UNC13C: variants seen among roughly 807,000 people sequenced by gnomAD.
UNC13C encodes the protein unc-13 homolog C, also known as protein unc-13 homolog C.
In UNC13C, 174 loss-of-function variants were observed where a neutral mutation model predicts 245.4. The observed-to-expected ratio is 0.71, with a 90% CI of 0.63 to 0.80. The LOEUF is 0.80. UNC13C is among the 30% of genes least tolerant of loss of function. The probability of loss-of-function intolerance (pLI) is 0.00; values close to 1 mark genes in which losing one functional copy is unlikely to be tolerated. For missense variants in UNC13C, 2,829 were observed against 2,602.9 expected, an observed-to-expected ratio of 1.09 and a Z score of -1.89; for synonymous variants, 992 against 895.1, an observed-to-expected ratio of 1.11 and a Z score of -1.93.
At chr15:53,989,249 C>T (rs1352561646) in intron 1 of UNC13C, among the ~76,000 whole-genome samples, 1 of 151,536 alleles carries the variant, frequency 6.6e-6, no homozygotes, top group Non-Finnish European at 1.5e-5. Context: ...TTGCATTTAT[C>T]GATGAAGGCA....
chr15:54,455,165 C>CTCTCTCTCTCTCTCTCTG lies in UNC13C; in HGVS notation c.4934-39426_4934-39425insGTCTCTCTCTCTCTCTCT, dbSNP rs1596404943. On this transcript the variant is annotated intron_variant, in intron 19 of 32. Coordinates refer to ENST00000260323, the MANE Select transcript of UNC13C (RefSeq NM_001080534.3). ...TCCTTTCTATGGCTGAGTCATATTC[C>CTCTCTCTCTCTCTCTCTG]TCTCTCTCTCTCTCTCTCTCTCTCT... Among the ~76,000 whole-genome samples, 18 of 10,300 alleles carry CTCTCTCTCTCTCTCTCTG rather than the reference C, an allele frequency of 1.7e-3. 1 individual carries two copies. Among genetic ancestry groups the CTCTCTCTCTCTCTCTCTG allele is most frequent in the Admixed American group, 0.01 (6 of 584 alleles). The allele number at this position is 10,300 out of a possible 152,430, so 6.8% of individuals were successfully genotyped here. A position where few individuals can be genotyped will look rare whatever the true frequency, so the allele number is the denominator to read the frequency against.
chr15:54,141,331 G>A (rs2032008271), intron 2 of UNC13C, among the ~76,000 whole-genome samples: 1 of 151,832 alleles, frequency 6.6e-6, no homozygotes, highest in African/African-American at 2.4e-5. Context: ...TAATTATATA[G>A]TTTGTTTTGG....
intron 2 of UNC13C, among the ~76,000 whole-genome samples, chr15:54,057,511 G>A (rs1009164145): frequency 3.3e-5 from 5 of 151,588 alleles, no homozygotes; most frequent in African/African-American, 4.9e-5. Context: ...CAATAATAAT[G>A]GGAGACTTTA....
chr15:54,216,099 T>G (rs562242724), intron 4 of UNC13C, among the ~76,000 whole-genome samples: 70 of 152,002 alleles, frequency 4.6e-4, no homozygotes, highest in Middle Eastern at 3.4e-3. Context: ...ACAGTGAGTG[T>G]GTACATGAAG....
At chr15:54,018,500 T>C (rs1481179969) in intron 2 of UNC13C, among the ~76,000 whole-genome samples, 1 of 152,234 alleles carries the variant, frequency 6.6e-6, no homozygotes, top group Non-Finnish European at 1.5e-5. Context: ...TTCAGAGAAC[T>C]TTCCACCTTA....
chr15:54,264,948 C>T (rs1442827891), intron 9 of UNC13C, among the ~76,000 whole-genome samples: 1 of 151,932 alleles, frequency 6.6e-6, no homozygotes, highest in South Asian at 2.1e-4. Flanking sequence ...GATGCTTTCT[C>T]AACTATGTAG....
chr15:53,976,279 A>G (rs1893691442), upstream of UNC13C, among the ~76,000 whole-genome samples: 1 of 152,158 alleles, frequency 6.6e-6, no homozygotes, highest in African/African-American at 2.4e-5. Flanking sequence ...TTAGCACTGC[A>G]TTCATTAAAA....
chr15:54,385,714 T>C (rs1228329302), intron 17 of UNC13C, among the ~76,000 whole-genome samples: 1 of 151,980 alleles, frequency 6.6e-6, no homozygotes, highest in African/African-American at 2.4e-5. Context: ...GGACTTGAAA[T>C]GATATCAACA....
chr15:54,003,576 G>A (rs1894997508), intron 1 of UNC13C, among the ~76,000 whole-genome samples: 1 of 152,088 alleles, frequency 6.6e-6, no homozygotes, highest in African/African-American at 2.4e-5. Flanking sequence ...TATATTTATG[G>A]GGTACCTGAG....
chr15:53,976,075 C>T (rs935856172), upstream of UNC13C, among the ~76,000 whole-genome samples: 4 of 152,144 alleles, frequency 2.6e-5, no homozygotes, highest in Admixed American at 6.5e-5. Flanking sequence ...GAAAACTACT[C>T]GTCAAAAGCC....
the UNC13C span, among the ~76,000 whole-genome samples, chr15:53,905,239 A>G: frequency 2.6e-5 from 4 of 152,156 alleles, no homozygotes; most frequent in Middle Eastern, 6.3e-3. Flanking sequence ...TATCTCACAG[A>G]GCTATCTCTA....
At chr15:54,527,154 G>A (rs1224033490) in intron 25 of UNC13C, among the ~76,000 whole-genome samples, 1 of 152,188 alleles carries the variant, frequency 6.6e-6, no homozygotes, top group Non-Finnish European at 1.5e-5. Context: ...CGGGATGTTA[G>A]TCAGCAATTT....
chr15:54,037,119 A>C (rs1896606646), intron 2 of UNC13C, among the ~76,000 whole-genome samples: 1 of 152,222 alleles, frequency 6.6e-6, no homozygotes, highest in Non-Finnish European at 1.5e-5. Flanking sequence ...GGTGTTCCTA[A>C]ACCTTAAATG....
At chr15:54,365,102 T>C (rs2039333978) in intron 17 of UNC13C, among the ~76,000 whole-genome samples, 1 of 152,130 alleles carries the variant, frequency 6.6e-6, no homozygotes, top group African/African-American at 2.4e-5. Flanking sequence ...CCGTCAGATC[T>C]GCAAAGCTGC....
intron 2 of UNC13C, among the ~76,000 whole-genome samples, chr15:54,026,674 G>A (rs1896122448): frequency 6.6e-6 from 1 of 152,114 alleles, no homozygotes; most frequent in Admixed American, 6.5e-5. Flanking sequence ...TCTTTTTTGA[G>A]TGATTTGATT....
the UNC13C span, among the ~76,000 whole-genome samples, chr15:53,900,173 A>G: frequency 1.3e-5 from 2 of 150,682 alleles, no homozygotes; most frequent in Non-Finnish European, 2.9e-5. Flanking sequence ...CTAGAATGAT[A>G]CCCTATGGAT....
At chr15:54,487,800 G>T (rs2141076086) in intron 19 of UNC13C, among the ~76,000 whole-genome samples, 1 of 138,904 alleles carries the variant, frequency 7.2e-6, no homozygotes, top group Admixed American at 7.4e-5. Flanking sequence ...GACAGAGAGA[G>T]AGAAAAGAAA....
At chr15:53,870,580 T>G in the UNC13C span, among the ~76,000 whole-genome samples, 1 of 152,048 alleles carries the variant, frequency 6.6e-6, no homozygotes, top group African/African-American at 2.4e-5. Flanking sequence ...AAAAATGCAC[T>G]TCTGTCTTAT....
the UNC13C span, among the ~76,000 whole-genome samples, chr15:53,901,615 T>A: frequency 6.6e-6 from 1 of 152,190 alleles, no homozygotes; most frequent in Non-Finnish European, 1.5e-5. Context: ...TTTTTCCTTA[T>A]AATGAATAAT....
Sources: allele counts gnomAD v4.1 joint callset (sites outside exome capture counted in the v4.1 genomes callset), GRCh38; gene constraint gnomAD v4.1.1; transcripts MANE v1.5; gene names NCBI Gene and HGNC (gene_info 2026-07-23, HGNC 2026-07-21).